Variants in ANKRD6 observed in about 807,000 individuals in gnomAD.
ANKRD6 encodes ankyrin repeat domain 6.
Under a neutral mutation model 82.3 loss-of-function variants are expected in ANKRD6, and 56 were observed. That is an observed-to-expected ratio of 0.68 (90% CI 0.55 to 0.85). The LOEUF (loss-of-function observed/expected upper bound fraction) is 0.85. Among genes scored for constraint, ANKRD6 ranks in the 40% least tolerant of loss-of-function variants. The probability of loss-of-function intolerance (pLI) is 0.00; values close to 1 mark genes in which losing one functional copy is unlikely to be tolerated. For missense variants in ANKRD6, 852 were observed against 907.6 expected (o/e 0.94, Z 0.79); for synonymous variants, 347 against 352.1 (o/e 0.99, Z 0.16).
At chr6:89,519,764 A>G (rs1454752071) in intron 1 of ANKRD6, among the ~76,000 whole-genome samples, 3 of 152,234 alleles carry the variant, frequency 2.0e-5, no homozygotes, top group East Asian at 1.9e-4. Context: ...ACTGTGGTCT[A>G]CACTGTTTCT....
chr6:89,444,125 G>GAGAGGAAGGACCTA, intron 1 of ANKRD6, among the ~76,000 whole-genome samples: 1 of 152,328 alleles, frequency 6.6e-6, no homozygotes, highest in Non-Finnish European at 1.5e-5. Context: ...GAGCTTTGAT[G>GAGAGGAAGGACCTA]AGAGGAAGGA....
At chr6:89,620,198 C>T (rs1802701169) in intron 9 of ANKRD6, 1 of 152,246 alleles carries the variant, frequency 6.6e-6, no homozygotes, top group South Asian at 2.1e-4. Flanking sequence ...TCCCTCACTT[C>T]TGTGGACTGG....
chr6:89,627,943 T>G (rs1178684549), intron 14 of ANKRD6, among the ~76,000 whole-genome samples: 2 of 152,242 alleles, frequency 1.3e-5, no homozygotes, highest in Non-Finnish European at 2.9e-5. Context: ...GCCATTTCTG[T>G]CCTGAACTCA....
chr6:89,487,139 C>T (rs182826498), intron 1 of ANKRD6, among the ~76,000 whole-genome samples: 2 of 152,280 alleles, frequency 1.3e-5, no homozygotes, highest in Admixed American at 6.5e-5. Flanking sequence ...GCATTATTTA[C>T]TCATCTGTAT....
At chr6:89,527,057 A>AT (rs1364714553) in intron 1 of ANKRD6, among the ~76,000 whole-genome samples, 1 of 152,192 alleles carries the variant, frequency 6.6e-6, no homozygotes, top group Non-Finnish European at 1.5e-5. Context: ...GTTTAACCAG[A>AT]TATCTGGGCA....
chr6:89,475,876 A>G (rs938624136), intron 1 of ANKRD6, among the ~76,000 whole-genome samples: 6 of 152,226 alleles, frequency 3.9e-5, no homozygotes, highest in African/African-American at 1.2e-4. Context: ...ATGAAGTATT[A>G]TGGGAGTGTT....
intron 1 of ANKRD6, among the ~76,000 whole-genome samples, chr6:89,460,993 C>A (rs184970508): frequency 4.1e-5 from 6 of 147,840 alleles, no homozygotes; most frequent in Admixed American, 3.5e-4. Context: ...TTCTGCCTCC[C>A]GGGTTCAAGC....
chr6:89,576,701 G>C (rs535846807), intron 2 of ANKRD6, among the ~76,000 whole-genome samples: 10 of 152,042 alleles, frequency 6.6e-5, no homozygotes, highest in African/African-American at 2.2e-4. Flanking sequence ...TGAAGCTCCC[G>C]TTGGGTCTGT....
At chr6:89,486,224 G>A (rs1466894236) in intron 1 of ANKRD6, among the ~76,000 whole-genome samples, 1 of 152,172 alleles carries the variant, frequency 6.6e-6, no homozygotes, top group Non-Finnish European at 1.5e-5. Flanking sequence ...GATTATGATG[G>A]AGCTTGTGTA....
chr6:89,445,743 T>G (rs1771997029), intron 1 of ANKRD6, among the ~76,000 whole-genome samples: 1 of 151,728 alleles, frequency 6.6e-6, no homozygotes, highest in African/African-American at 2.4e-5. Context: ...TGCGCCTGGC[T>G]CAATTTTTGT....
chr6:89,590,982 GC>G (rs1447873573), intron 2 of ANKRD6, among the ~76,000 whole-genome samples: 11 of 152,318 alleles, frequency 7.2e-5, no homozygotes, highest in African/African-American at 2.2e-4. Context: ...CTCTTGCTCT[GC>G]CCAATTATTG....
At chr6:89,488,278 G>A (rs1050168233) in intron 1 of ANKRD6, among the ~76,000 whole-genome samples, 1 of 152,188 alleles carries the variant, frequency 6.6e-6, no homozygotes, top group Non-Finnish European at 1.5e-5. Flanking sequence ...TCAAACGTGA[G>A]CATTTAATAC....
intron 11 of ANKRD6, 97 bp from the exon 12 acceptor site, chr6:89,623,775 G>A (rs1804536308): frequency 1.5e-6 from 2 of 1,378,528 alleles, no homozygotes; most frequent in Admixed American, 2.5e-5. Context: ...ACAAAGTGGG[G>A]CTCTTTGCCC....
rs1273640755 is a variant in ANKRD6 at position 89,522,146 on chromosome 6, CA to C, written c.-143-44687del. On this transcript the variant is annotated intron_variant, in intron 1 of 15. Coordinates refer to ENST00000339746, the MANE Select transcript of ANKRD6 (RefSeq NM_001242809.2). ...TGGTCCCATCATGGATGAGACTTAT[CA>C]GGGGGGAATTCTCTAGCTAATTCTG... Among the ~76,000 whole-genome samples, 127 of 152,240 alleles carry C rather than the reference CA, an allele frequency of 8.3e-4. 1 individual carries two copies. Among genetic ancestry groups the C allele is most frequent in the Non-Finnish European group, 3.4e-4 (23 of 68,008 alleles).
rs1025871471 is a variant in ANKRD6 at position 89,627,623 on chromosome 6, C to T, written c.1412C>T (p.Ala471Val). Reference sequence around the variant, plus strand: ...AAGCTGATGGTTGAGCGACTTTCTGCAGAGAGGACGGAGTGCCTGAACCGC... The same window carrying T: ...AAGCTGATGGTTGAGCGACTTTCTGTAGAGAGGACGGAGTGCCTGAACCGC... ...LDKLMVERLS[A>V]ERTECLNRLQ... Residue 471 changes from alanine to valine, a missense_variant, in exon 14 of 16, where the codon GCA becomes GTA. Coordinates refer to ENST00000339746, the MANE Select transcript of ANKRD6 (RefSeq NM_001242809.2). 6.2e-7 allele frequency: 1 copy of T among 1,613,720 alleles called. No homozygotes were observed. Among genetic ancestry groups the T allele is most frequent in the Admixed American group, 1.7e-5 (1 of 60,018 alleles).
chr6:89,591,558 A>G (rs1794911785), intron 2 of ANKRD6, among the ~76,000 whole-genome samples: 1 of 152,162 alleles, frequency 6.6e-6, no homozygotes, highest in African/African-American at 2.4e-5. Context: ...TTGCTCCTTC[A>G]CCCTTAAGAG....
At chr6:89,620,332 T>C (rs1408361660) in intron 9 of ANKRD6, 1 of 152,174 alleles carries the variant, frequency 6.6e-6, no homozygotes. Context: ...GATTCTTATT[T>C]TGGGTTTGGG....
Position 89,566,996 on chromosome 6 carries a change from T to A in ANKRD6, c.20T>A (p.Val7Asp). The change falls in exon 2 of 16, where the codon GTC (valine) becomes GAC (aspartate). Residue 7 changes from valine to aspartate, a missense_variant. By Grantham distance (152) the Val-to-Asp change is radical (BLOSUM62 -3). Coordinates refer to ENST00000339746, the MANE Select transcript of ANKRD6 (RefSeq NM_001242809.2). ...TAATTCATGAGCCAGCAAGATGCGG[T>A]CGCTGCACTTTCAGAGCGCCTTCTC... MSQQDA[V>D]AALSERLLVA... 6.3e-7 allele frequency: 1 copy of A among 1,598,020 alleles called. No homozygotes were observed. Among genetic ancestry groups the A allele is most frequent in the Non-Finnish European group, 8.5e-7 (1 of 1,171,816 alleles).
intron 1 of ANKRD6, among the ~76,000 whole-genome samples, chr6:89,525,245 G>A (rs1290491017): frequency 2.0e-5 from 3 of 147,330 alleles, no homozygotes; most frequent in Non-Finnish European, 3.0e-5. Context: ...AGTGAGTTGA[G>A]ATTGTGCTGT....
Sources: allele counts gnomAD v4.1 joint callset (sites outside exome capture counted in the v4.1 genomes callset), GRCh38; gene constraint gnomAD v4.1.1; transcripts MANE v1.5; gene names NCBI Gene and HGNC (gene_info 2026-07-23, HGNC 2026-07-21).